The following ST3GAL1 variants were observed in gnomAD, a reference collection of about 807,000 sequenced individuals.
The protein encoded by ST3GAL1 is CMP-N-acetylneuraminate-beta-galactosamide-alpha-2,3-sialyltransferase 1.
Under a neutral mutation model 34.1 loss-of-function variants are expected in ST3GAL1, and 16 were observed. That is an observed-to-expected ratio of 0.47 (90% confidence interval 0.32 to 0.71). The LOEUF (loss-of-function observed/expected upper bound fraction) is 0.71, where lower values mean the gene tolerates loss of function less well. Among genes scored for constraint, ST3GAL1 ranks in the 30% least tolerant of loss-of-function variants. ST3GAL1 has a pLI of 0.04. For synonymous variants in ST3GAL1, 191 were observed against 184.7 expected (o/e 1.03, Z -0.28); for missense variants, 353 against 447.4 (o/e 0.79, Z 1.90).
rs189993323 is a variant in ST3GAL1, at chr8:133,571,011, C to G, written c.-582+682G>C. Among the ~76,000 whole-genome samples, 625 of 152,338 alleles carry G rather than the reference C, an allele frequency of 4.1e-3. 4 individuals carry two copies. The highest frequency in any genetic ancestry group is 0.015 in the African/African-American group (612 of 41,576). ...CCCACCCGCGTCCCCCACTGTCCGC[C>G]ACGCCGCGTTCAGCTCTCTTGTCCC... On this transcript the variant is annotated intron_variant, in intron 1 of 9. Coordinates refer to ENST00000522652, the MANE Select transcript of ST3GAL1 (RefSeq NM_173344.3). This position sits in a 1 kb window ranked among gnomAD's most constrained non-coding sequence, Gnocchi z 6.7.
At position 133,454,975 on chromosome 8, in the gene ST3GAL1, A is replaced by G. The variant is rs1586573582; in HGVS notation, c.*4789T>C. Reference sequence around the variant, plus strand: ...GAAGTCATTCGAATGCATCCCAACCAGTGCTCAGCTGCGTAACGACATGGA... The same window carrying G: ...GAAGTCATTCGAATGCATCCCAACCGGTGCTCAGCTGCGTAACGACATGGA... On this transcript the variant is annotated 3_prime_UTR_variant, in exon 10 of 10. Transcript: ENST00000522652. 1 of 152,320 alleles carries G rather than the reference A, an allele frequency of 6.6e-6. No individual in the cohort carries two copies. The highest frequency in any genetic ancestry group is 1.5e-5 in the Non-Finnish European group (1 of 68,074). 9.4% of individuals were successfully genotyped at this position (152,320 alleles called of 1,614,324 possible).
chr8:133,532,588 AGC>A (rs1376698069), intron 2 of ST3GAL1, among the ~76,000 whole-genome samples: 6 of 152,238 alleles, frequency 3.9e-5, no homozygotes, highest in African/African-American at 1.4e-4. Flanking sequence ...AACAGATAAA[AGC>A]CATGACATCA....
In ST3GAL1 at chr8:133,469,185, C is replaced by G. The variant is rs528638474; in HGVS notation, c.307-3095G>C. The stretch of plus-strand genomic sequence containing the variant: ...TGACTGACTTACTTTTCTTTAATGA[C>G]TTATTTAAGAAAAATAAATTGATTG... On this transcript the variant is annotated intron_variant, in intron 5 of 9. Transcript: ENST00000522652. This position sits in a 1 kb window ranked among gnomAD's most constrained non-coding sequence, Gnocchi z 4.3. Among the ~76,000 whole-genome samples the G allele has an allele frequency of 5.9e-5, 9 of 152,234 alleles. No homozygotes were observed. The East Asian group carries it at 1.5e-3, about 26-fold the overall frequency.
At position 133,459,915 on chromosome 8, in the gene ST3GAL1, G is replaced by T; in HGVS notation, c.872C>A (p.Ala291Glu). ...CDEVDLYGFG[A>E]DSKGNWHHYW... The stretch of plus-strand genomic sequence containing the variant: ...GTGGTGCCAGTTCCCTTTGCTGTCT[G>T]CCCCGAAGCCGTACAAGTCCACCTG... Residue 291 changes from alanine to glutamate, a missense_variant, in exon 10 of 10, where the codon GCA becomes GAA. Ala to Glu is a moderately radical substitution (Grantham distance 107). Transcript: ENST00000522652. This position sits in a 1 kb window ranked among gnomAD's most constrained non-coding sequence, Gnocchi z 4.7. 3.1e-6 allele frequency: 5 copies of T among 1,613,182 alleles called. No individual in the cohort carries two copies. The highest frequency in any genetic ancestry group is 3.4e-6 in the Non-Finnish European group (4 of 1,179,504).
intron 6 of ST3GAL1, 92 bp downstream of exon 6, chr8:133,465,802 T>A (rs1586585855): frequency 6.9e-7 from 1 of 1,443,736 alleles, no homozygotes; most frequent in East Asian, 2.3e-5. Flanking sequence ...GACTGAACCT[T>A]GCCTTCCTGA....
intron 7 of ST3GAL1, 22 bp downstream of exon 7, chr8:133,464,756 C>T (rs577081076): frequency 1.6e-5 from 26 of 1,601,374 alleles, no homozygotes; most frequent in African/African-American, 6.7e-5. Context: ...AGCAGCGAGG[C>T]GGGGCCACAG....
intron 2 of ST3GAL1, among the ~76,000 whole-genome samples, chr8:133,535,958 C>T (rs1818299483): frequency 6.6e-6 from 1 of 152,162 alleles, no homozygotes; most frequent in South Asian, 2.1e-4. Flanking sequence ...CACTTTATTG[C>T]AGTGGCCTGG....
intron 2 of ST3GAL1, among the ~76,000 whole-genome samples, chr8:133,536,920 CAGA>C (rs1818329058): frequency 6.6e-6 from 1 of 152,150 alleles, no homozygotes; most frequent in African/African-American, 2.4e-5. Flanking sequence ...ACGGTCAACA[CAGA>C]AGACTTCTGT....
At chr8:133,541,025 A>G (rs1818493450) in intron 2 of ST3GAL1, among the ~76,000 whole-genome samples, 1 of 101,398 alleles carries the variant, frequency 9.9e-6, no homozygotes, top group South Asian at 3.1e-4. Context: ...ATGCAGACAT[A>G]TATATAGACA....
chr8:133,555,562 A>AT (rs1297213203), intron 1 of ST3GAL1, among the ~76,000 whole-genome samples: 1 of 152,232 alleles, frequency 6.6e-6, no homozygotes, highest in Non-Finnish European at 1.5e-5. Flanking sequence ...CTAAAAAAAA[A>AT]GAAAGGAGGG....
At chr8:133,484,591 T>A (rs934097927) in intron 3 of ST3GAL1, among the ~76,000 whole-genome samples, 1 of 152,184 alleles carries the variant, frequency 6.6e-6, no homozygotes, top group African/African-American at 2.4e-5. Context: ...GCTGAGTGTG[T>A]GGAACTTCCA....
At chr8:133,516,920 G>A (rs139165602) in intron 2 of ST3GAL1, among the ~76,000 whole-genome samples, 1 of 152,216 alleles carries the variant, frequency 6.6e-6, no homozygotes, top group African/African-American at 2.4e-5. Context: ...TCCAGCTGGA[G>A]GGACCCTCCA....
intron 1 of ST3GAL1, among the ~76,000 whole-genome samples, chr8:133,546,220 C>A (rs187189977): frequency 6.6e-6 from 1 of 152,168 alleles, no homozygotes; most frequent in Non-Finnish European, 1.5e-5. Context: ...GCGGCTTGGG[C>A]GCCTGTAATC....
In ST3GAL1 at chr8:133,571,406, C is replaced by T. The variant is rs1252223025; in HGVS notation, c.-582+287G>A. On this transcript the variant is annotated intron_variant, in intron 1 of 9. Coordinates refer to ENST00000522652, the MANE Select transcript of ST3GAL1 (RefSeq NM_173344.3). This position sits in a 1 kb window ranked among gnomAD's most constrained non-coding sequence, Gnocchi z 6.7. ...GCTCCTCCAGTGTCGGCCGAAGACC[C>T]CTAAGCCCGAACCTCCACCCCGACC... 1.3e-5 allele frequency among the ~76,000 whole-genome samples: 2 copies of T among 152,176 alleles called. No individual in the cohort carries two copies. Among genetic ancestry groups the T allele is most frequent in the Non-Finnish European group, 2.9e-5 (2 of 68,030 alleles).
chr8:133,541,088 TATATAAAC>T lies in ST3GAL1; in HGVS notation c.-429+4678_-429+4685del, dbSNP rs1187030333. On this transcript the variant is annotated intron_variant, in intron 2 of 9. Coordinates refer to ENST00000522652, the MANE Select transcript of ST3GAL1 (RefSeq NM_173344.3). ...ATATAGACATATATATAGACATATATATATAAACATATATATATATATATATATATATA... is the reference window on the plus strand; with the variant it reads ...ATATAGACATATATATAGACATATATATATATATATATATATATATATATA... 1.6e-3 allele frequency among the ~76,000 whole-genome samples: 149 copies of T among 93,104 alleles called. 3 individuals carry two copies. The highest frequency in any genetic ancestry group is 7.7e-3 in the Middle Eastern group (1 of 130). The allele number at this position is 93,104 out of a possible 152,430, so 61.1% of individuals were successfully genotyped here.
intron 2 of ST3GAL1, chr8:133,539,570 C>T (rs1818407628): frequency 6.6e-6 from 1 of 152,164 alleles, no homozygotes; most frequent in African/African-American, 2.4e-5. Context: ...AAACATACCA[C>T]CGATTTATTA....
chr8:133,461,816 T>C lies in ST3GAL1; in HGVS notation c.849+59A>G. 2 of 1,606,392 alleles carry C rather than the reference T, an allele frequency of 1.2e-6. No homozygotes were observed. Among genetic ancestry groups the C allele is most frequent in the Non-Finnish European group, 1.7e-6 (2 of 1,175,076 alleles). The stretch of plus-strand genomic sequence containing the variant: ...TGCCCTCCCCCTCCCTGGCCTCTCT[T>C]GGGAACACAGGACGGTGAGCTTCGA... On this transcript the variant is annotated intron_variant, in intron 9 of 9. Coordinates refer to ENST00000522652, the MANE Select transcript of ST3GAL1 (RefSeq NM_173344.3). This position sits in a 1 kb window ranked among gnomAD's most constrained non-coding sequence, Gnocchi z 4.7.
intron 3 of ST3GAL1, among the ~76,000 whole-genome samples, chr8:133,494,827 T>G (rs1282188190): frequency 6.6e-6 from 1 of 152,160 alleles, no homozygotes; most frequent in Non-Finnish European, 1.5e-5. Flanking sequence ...CTTTACTCAA[T>G]TCAGGGTGCT....
At chr8:133,495,213 C>A (rs1200877351) in intron 3 of ST3GAL1, among the ~76,000 whole-genome samples, 1 of 152,112 alleles carries the variant, frequency 6.6e-6, no homozygotes, top group Non-Finnish European at 1.5e-5. Flanking sequence ...CCACCGTGCC[C>A]AGCCTCCTCT....
Sources: gnomAD v4.1 joint callset for allele counts (sites outside exome capture counted in the v4.1 genomes callset) on GRCh38, gnomAD v4.1.1 for gene constraint, Gnocchi (gnomAD v3.1) non-coding constraint, MANE v1.5 for transcripts, NCBI Gene and HGNC (gene_info 2026-07-23, HGNC 2026-07-21) for gene names.